Variants in SCHIP1 observed in about 807,000 individuals in gnomAD.
SCHIP1 encodes schwannomin-interacting protein 1.
In SCHIP1, 8 loss-of-function variants were observed where a neutral mutation model predicts 29.7. That is an observed-to-expected ratio of 0.27 (90% CI 0.16 to 0.49). SCHIP1 has a LOEUF of 0.49. Among genes scored for constraint, SCHIP1 ranks in the 20% least tolerant of loss-of-function variants. The pLI, the probability that SCHIP1 is intolerant of heterozygous loss-of-function variation, is 0.99. For missense variants in SCHIP1, 193 were observed against 294.6 expected (o/e 0.66, Z 2.52); for synonymous variants, 76 against 94.9 (o/e 0.80, Z 1.16).
the SCHIP1 span, among the ~76,000 whole-genome samples, chr3:159,659,004 T>C: frequency 6.6e-6 from 1 of 152,242 alleles, no homozygotes; most frequent in Non-Finnish European, 1.5e-5. Flanking sequence ...TTTATTCCCC[T>C]AGACATATGC....
At chr3:159,605,964 A>C in the SCHIP1 span, among the ~76,000 whole-genome samples, 4 of 152,100 alleles carry the variant, frequency 2.6e-5, no homozygotes, top group Non-Finnish European at 5.9e-5. Flanking sequence ...ACCTCACAGG[A>C]CTCTGCGGCA....
chr3:159,717,515 C>CAAA, the SCHIP1 span, among the ~76,000 whole-genome samples: 5 of 151,932 alleles, frequency 3.3e-5, no homozygotes. Flanking sequence ...AGAGAAGAAT[C>CAAA]AAATAGGCAC....
the SCHIP1 span, among the ~76,000 whole-genome samples, chr3:159,653,114 A>T: frequency 6.6e-6 from 1 of 152,226 alleles, no homozygotes; most frequent in Admixed American, 6.5e-5. Flanking sequence ...CTGTGGAGAA[A>T]TAGGAACACT....
the SCHIP1 span, among the ~76,000 whole-genome samples, chr3:159,715,902 C>T: frequency 6.6e-6 from 1 of 152,106 alleles, no homozygotes; most frequent in Non-Finnish European, 1.5e-5. Context: ...AGAGAGAATG[C>T]CACAAAGATA....
the SCHIP1 span, among the ~76,000 whole-genome samples, chr3:159,639,382 A>G: frequency 1.3e-5 from 2 of 152,162 alleles, no homozygotes; most frequent in Admixed American, 1.3e-4. Flanking sequence ...ATAGAATTGC[A>G]TTTATTTTTA....
chr3:159,761,935 ACTCT>A, the SCHIP1 span, among the ~76,000 whole-genome samples: 2 of 151,504 alleles, frequency 1.3e-5, no homozygotes, highest in Non-Finnish European at 2.9e-5. Context: ...TGAAACCACA[ACTCT>A]CTCTCATCAC....
chr3:159,611,477 A>C, the SCHIP1 span, among the ~76,000 whole-genome samples: 1 of 139,368 alleles, frequency 7.2e-6, no homozygotes, highest in Non-Finnish European at 1.5e-5. Context: ...GGAGTTGAAC[A>C]GTGAGAACAC....
chr3:159,431,117 C>T, the SCHIP1 span, among the ~76,000 whole-genome samples: 1 of 151,380 alleles, frequency 6.6e-6, no homozygotes, highest in Non-Finnish European at 1.5e-5. Flanking sequence ...GCATTTAATT[C>T]AGCGAGGAAA....
the SCHIP1 span, among the ~76,000 whole-genome samples, chr3:159,556,701 A>T: frequency 6.3e-5 from 9 of 142,718 alleles, no homozygotes; most frequent in African/African-American, 2.3e-4. Context: ...TCTCACTCAT[A>T]GGTGGGAATT....
the SCHIP1 span, among the ~76,000 whole-genome samples, chr3:159,753,413 T>G: frequency 6.6e-6 from 1 of 152,208 alleles, no homozygotes; most frequent in East Asian, 1.9e-4. Context: ...CCCATTTCAG[T>G]AAAGTGACAC....
the SCHIP1 span, chr3:159,386,658 G>A: frequency 2.2e-4 from 34 of 152,350 alleles, no homozygotes; most frequent in Non-Finnish European, 4.3e-4. Flanking sequence ...CAAGGCTACA[G>A]TAACCAACAC....
chr3:159,352,925 G>A, the SCHIP1 span, among the ~76,000 whole-genome samples: 2 of 152,098 alleles, frequency 1.3e-5, no homozygotes, highest in African/African-American at 4.8e-5. Flanking sequence ...AATTCAGGTG[G>A]TACACAGCTT....
chr3:159,395,560 C>T, the SCHIP1 span, among the ~76,000 whole-genome samples: 1 of 151,824 alleles, frequency 6.6e-6, no homozygotes, highest in Non-Finnish European at 1.5e-5. Flanking sequence ...TTTATTTCTG[C>T]CTTCATTTCG....
the SCHIP1 span, among the ~76,000 whole-genome samples, chr3:159,584,105 A>G: frequency 3.9e-5 from 6 of 152,100 alleles, no homozygotes; most frequent in South Asian, 1.2e-3. Context: ...TCTCCCCACT[A>G]TCTCTTCACG....
chr3:159,389,656 C>G, the SCHIP1 span, among the ~76,000 whole-genome samples: 1 of 151,974 alleles, frequency 6.6e-6, no homozygotes, highest in East Asian at 1.9e-4. Flanking sequence ...TGTTACAAAC[C>G]AAGAATAAGA....
the SCHIP1 span, among the ~76,000 whole-genome samples, chr3:159,736,970 A>G: frequency 4.8e-4 from 73 of 151,916 alleles, no homozygotes; most frequent in East Asian, 2.5e-3. Context: ...TCCTGACCTC[A>G]TGATCCGCCC....
At chr3:159,742,211 T>A in the SCHIP1 span, among the ~76,000 whole-genome samples, 1 of 151,868 alleles carries the variant, frequency 6.6e-6, no homozygotes, top group African/African-American at 2.4e-5. Context: ...GGCAACAGAG[T>A]GAGACTCCGT....
chr3:159,664,323 G>A, the SCHIP1 span, among the ~76,000 whole-genome samples: 725 of 152,214 alleles, frequency 4.8e-3, 9 homozygotes, highest in African/African-American at 0.016. Context: ...TCACATCTGT[G>A]ATTCTATTAT....
chr3:159,857,720 T>C (rs1713552624), intron 1 of SCHIP1, among the ~76,000 whole-genome samples: 2 of 152,156 alleles, frequency 1.3e-5, no homozygotes, highest in East Asian at 3.9e-4. Context: ...TCCCCACCCC[T>C]TCCTTTTAAT....
Sources: allele counts gnomAD v4.1 joint callset (sites outside exome capture counted in the v4.1 genomes callset), GRCh38; gene constraint gnomAD v4.1.1; transcripts MANE v1.5; gene names NCBI Gene and HGNC (gene_info 2026-07-23, HGNC 2026-07-21).